Variants in ROBO1 observed in about 807,000 individuals in gnomAD.
ROBO1 encodes the protein roundabout homolog 1.
Under a neutral mutation model 195.9 loss-of-function variants are expected in ROBO1, and 149 were observed. That is an observed-to-expected ratio of 0.76 (90% CI 0.67 to 0.87). The LOEUF is 0.87. ROBO1 is among the 40% of genes least tolerant of loss of function. ROBO1 has a pLI of 0.00. For missense variants in ROBO1, 1,933 were observed against 2,068.3 expected, an observed-to-expected ratio of 0.93 and a Z score of 1.27; for synonymous variants, 816 against 733.2, an observed-to-expected ratio of 1.11 and a Z score of -1.82.
chr3:79,746,776 G>T (rs1030714181), intron 1 of ROBO1, among the ~76,000 whole-genome samples: 1 of 152,012 alleles, frequency 6.6e-6, no homozygotes, highest in Non-Finnish European at 1.5e-5. Flanking sequence ...AGCTTTTTCA[G>T]AGATAGCCTA....
intron 1 of ROBO1, among the ~76,000 whole-genome samples, chr3:79,721,609 C>G (rs1202024642): frequency 6.6e-6 from 1 of 152,150 alleles, no homozygotes; most frequent in Non-Finnish European, 1.5e-5. Context: ...TTGAAAATAT[C>G]AAATGATAGT....
chr3:79,012,981 G>T (rs1003363254), intron 3 of ROBO1, among the ~76,000 whole-genome samples: 40 of 152,134 alleles, frequency 2.6e-4, no homozygotes, highest in African/African-American at 9.4e-4. Context: ...TCCACAGGAT[G>T]GCAACTTTAT....
intron 2 of ROBO1, among the ~76,000 whole-genome samples, chr3:79,482,661 C>A (rs546390039): frequency 1.3e-5 from 2 of 152,176 alleles, no homozygotes; most frequent in South Asian, 4.1e-4. Context: ...TAATAAGGAT[C>A]ACTTATAAAG....
intron 2 of ROBO1, among the ~76,000 whole-genome samples, chr3:79,374,011 TA>T (rs2036294790): frequency 6.6e-6 from 1 of 152,200 alleles, no homozygotes; most frequent in African/African-American, 2.4e-5. Context: ...TTTAATTTAG[TA>T]ATTGTATCAT....
At chr3:79,414,438 C>T (rs1014424883) in intron 2 of ROBO1, among the ~76,000 whole-genome samples, 1 of 152,136 alleles carries the variant, frequency 6.6e-6, no homozygotes, top group Admixed American at 6.5e-5. Context: ...TACATTTTAA[C>T]ATTAAAATAT....
chr3:79,738,299 A>G (rs1333947443), intron 1 of ROBO1, among the ~76,000 whole-genome samples: 1 of 152,232 alleles, frequency 6.6e-6, no homozygotes, highest in East Asian at 1.9e-4. Context: ...GGCATTAAAA[A>G]TTAACTAGTG....
intron 2 of ROBO1, among the ~76,000 whole-genome samples, chr3:79,276,940 T>A (rs544265950): frequency 5.3e-5 from 8 of 152,170 alleles, no homozygotes; most frequent in Admixed American, 2.0e-4. Flanking sequence ...CCAGTTAAAA[T>A]GGCTTTTATC....
chr3:79,092,366 C>G (rs746635457), intron 3 of ROBO1, among the ~76,000 whole-genome samples: 6 of 152,030 alleles, frequency 3.9e-5, no homozygotes, highest in African/African-American at 1.2e-4. Flanking sequence ...TTTTGAGAAG[C>G]CTTAGATGTC....
intron 2 of ROBO1, among the ~76,000 whole-genome samples, chr3:79,368,769 C>T (rs764908636): frequency 2.6e-4 from 39 of 152,160 alleles, no homozygotes; most frequent in African/African-American, 8.9e-4. Flanking sequence ...TCCTTAAATC[C>T]GCTTGCACCT....
chr3:79,026,473 AT>A, intron 3 of ROBO1, among the ~76,000 whole-genome samples: 1 of 152,148 alleles, frequency 6.6e-6, no homozygotes, highest in East Asian at 1.9e-4. Context: ...AAGTATATGC[AT>A]TTTTAGTTCT....
At chr3:79,720,349 C>T (rs920892015) in intron 1 of ROBO1, among the ~76,000 whole-genome samples, 1 of 152,106 alleles carries the variant, frequency 6.6e-6, no homozygotes, top group Admixed American at 6.5e-5. Flanking sequence ...TACTAGTAGC[C>T]TTTTGCCAAC....
At chr3:79,271,889 A>G (rs1475236787) in intron 2 of ROBO1, among the ~76,000 whole-genome samples, 2 of 152,034 alleles carry the variant, frequency 1.3e-5, no homozygotes, top group Non-Finnish European at 2.9e-5. Flanking sequence ...TAATCAATTT[A>G]TTTTCTAAAT....
chr3:79,257,892 C>G (rs1316125275), intron 2 of ROBO1, among the ~76,000 whole-genome samples: 1 of 151,908 alleles, frequency 6.6e-6, no homozygotes. Flanking sequence ...GAGAAACAAC[C>G]ACAGTATATT....
At chr3:78,717,532 C>T (rs993690266) in intron 6 of ROBO1, 119 bp from the exon 7 acceptor site, 1 of 972,044 alleles carries the variant, frequency 1.0e-6, no homozygotes, top group South Asian at 1.6e-5. Flanking sequence ...AATTATTCCA[C>T]AGAGTCCCCT....
intron 4 of ROBO1, among the ~76,000 whole-genome samples, chr3:78,767,909 G>T (rs1219595011): frequency 1.3e-5 from 2 of 151,212 alleles, no homozygotes; most frequent in Non-Finnish European, 1.5e-5. Context: ...GTATTTTTTT[G>T]TTTCAATTTT....
intron 14 of ROBO1, among the ~76,000 whole-genome samples, chr3:78,666,059 C>G (rs918692780): frequency 2.0e-5 from 3 of 152,020 alleles, no homozygotes; most frequent in African/African-American, 7.2e-5. Flanking sequence ...TGAGTGAGTT[C>G]TCAGGAGACC....
At chr3:78,745,816 A>G (rs142153463) in intron 5 of ROBO1, among the ~76,000 whole-genome samples, 34 of 152,266 alleles carry the variant, frequency 2.2e-4, no homozygotes, top group African/African-American at 7.9e-4. Flanking sequence ...TTTTCTCACT[A>G]TTAATTTTTT....
At chr3:79,133,944 T>C (rs986413284) in intron 2 of ROBO1, among the ~76,000 whole-genome samples, 3 of 152,070 alleles carry the variant, frequency 2.0e-5, no homozygotes, top group African/African-American at 7.2e-5. Context: ...TACCCTGCCG[T>C]GTGAGGTGTC....
intron 3 of ROBO1, among the ~76,000 whole-genome samples, chr3:79,008,335 C>G (rs1170365103): frequency 6.6e-6 from 1 of 152,014 alleles, no homozygotes; most frequent in Non-Finnish European, 1.5e-5. Context: ...CTAACAGCAG[C>G]AAAAGTTGGC....
Sources: allele counts gnomAD v4.1 joint callset (sites outside exome capture counted in the v4.1 genomes callset), GRCh38; gene constraint gnomAD v4.1.1; transcripts MANE v1.5; gene names NCBI Gene and HGNC (gene_info 2026-07-23, HGNC 2026-07-21).